The following SLC25A23 variants were observed in gnomAD, a reference collection of about 807,000 sequenced individuals.
SLC25A23 encodes the protein mitochondrial adenyl nucleotide antiporter SLC25A23.
A neutral mutation model predicts 53.9 loss-of-function variants in SLC25A23; 32 were observed. The ratio of observed to expected loss-of-function variants is 0.59; its 90% CI spans 0.45 to 0.80. The LOEUF is 0.80. Among genes scored for constraint, SLC25A23 ranks in the 30% least tolerant of loss-of-function variants. The pLI is 0.00. For synonymous variants in SLC25A23, 275 were observed against 264.5 expected (o/e 1.04, Z -0.38); for missense variants, 575 against 651.4 (o/e 0.88, Z 1.28).
At chr19:6,455,140 C>T (rs952206856) in intron 4 of SLC25A23, among the ~76,000 whole-genome samples, 1 of 152,054 alleles carries the variant, frequency 6.6e-6, no homozygotes, top group Admixed American at 6.6e-5. Flanking sequence ...ATTGGCCGGG[C>T]ATGTGCCTGT....
chr19:6,438,334 T>G (rs1351782007), downstream of SLC25A23: 1 of 151,752 alleles, frequency 6.6e-6, no homozygotes, highest in Non-Finnish European at 1.5e-5. Flanking sequence ...GATGGAAATT[T>G]GGGCAGAGAG....
chr19:6,455,951 C>G, intron 4 of SLC25A23: 1 of 1,151,684 alleles, frequency 8.7e-7, no homozygotes, highest in Non-Finnish European at 1.2e-6. Context: ...GATCGCCTGA[C>G]CTCGTGATCC....
chr19:6,444,042 G>A (rs1916132233), intron 9 of SLC25A23, 109 bp downstream of exon 9: 1 of 1,225,134 alleles, frequency 8.2e-7, no homozygotes, highest in Non-Finnish European at 1.1e-6. Flanking sequence ...CGGAGGCCCA[G>A]AGAAGCCCAT....
Position 6,441,960 on chromosome 19 carries a change from C to G in SLC25A23, c.*15G>C, listed in dbSNP as rs115946849. The G allele has an allele frequency of 1.2e-6, 2 of 1,611,818 alleles. No individual in the cohort carries two copies. Among genetic ancestry groups the G allele is most frequent in the Non-Finnish European group, 1.7e-6 (2 of 1,179,338 alleles). On this transcript the variant is annotated 3_prime_UTR_variant, in exon 10 of 10. Coordinates refer to ENST00000301454, the MANE Select transcript of SLC25A23 (RefSeq NM_024103.3). ...TGTGGGGGGTGAGGGATTGGGGGGACGGGCTCCGGGTCCCTCACCTGGACG... is the reference window on the plus strand; with the variant it reads ...TGTGGGGGGTGAGGGATTGGGGGGAGGGGCTCCGGGTCCCTCACCTGGACG...
chr19:6,436,325 C>T (rs1294582056), downstream of SLC25A23: 1 of 439,328 alleles, frequency 2.3e-6, no homozygotes, highest in Admixed American at 2.4e-5. Flanking sequence ...TTGGACTATC[C>T]AGGGAATTCA....
intron 9 of SLC25A23, among the ~76,000 whole-genome samples, chr19:6,442,607 G>T (rs1459090368): frequency 2.0e-5 from 3 of 152,120 alleles, no homozygotes; most frequent in African/African-American, 7.2e-5. Context: ...GGAGTGCAAT[G>T]GTGCAATCTC....
At chr19:6,437,585 G>A (rs879600217), downstream of SLC25A23, among the ~76,000 whole-genome samples, 17 of 151,832 alleles carry the variant, frequency 1.1e-4, no homozygotes, top group East Asian at 7.8e-4. Flanking sequence ...TGAGGCAGGC[G>A]GATCACGAGG....
intron 8 of SLC25A23, among the ~76,000 whole-genome samples, chr19:6,448,503 C>T (rs953170368): frequency 2.0e-5 from 3 of 150,996 alleles, no homozygotes; most frequent in Admixed American, 1.3e-4. Flanking sequence ...TGAAATCTCG[C>T]TCTCTCACCC....
rs1480818858 is a variant in SLC25A23, at chr19:6,441,359, A to C, written c.*616T>G. The C allele has an allele frequency of 6.5e-6, 1 of 153,276 alleles. No individual in the cohort carries two copies. The highest frequency in any genetic ancestry group is 2.4e-5 in the African/African-American group (1 of 41,354). 9.5% of individuals were successfully genotyped at this position (153,276 alleles called of 1,614,324 possible). On this transcript the variant is annotated 3_prime_UTR_variant, in exon 10 of 10. Transcript: ENST00000301454. ...TCCAGAATCCAGCAGCTGAGCTTGGAGATCCAGGGCTCGAGGCATGGGGAT... is the reference window on the plus strand; with the variant it reads ...TCCAGAATCCAGCAGCTGAGCTTGGCGATCCAGGGCTCGAGGCATGGGGAT...
At chr19:6,445,203 G>C (rs902804671) in intron 8 of SLC25A23, among the ~76,000 whole-genome samples, 1 of 151,456 alleles carries the variant, frequency 6.6e-6, no homozygotes, top group African/African-American at 2.4e-5. Flanking sequence ...TCCGCCTCCT[G>C]GCTTCAAGCG....
chr19:6,452,205 T>C, intron 8 of SLC25A23, 107 bp downstream of exon 8: 1 of 1,467,790 alleles, frequency 6.8e-7, no homozygotes, highest in Non-Finnish European at 9.1e-7. Flanking sequence ...ACTGCCTTTC[T>C]CTAACTATAG....
Position 6,458,305 on chromosome 19 carries a change from T to C in SLC25A23, c.176A>G (p.Asp59Gly), listed in dbSNP as rs1363460254. The change falls in exon 2 of 10, where the codon GAT becomes GGT. Residue 59 changes from aspartate (D) to glycine (G), a missense_variant. Asp to Gly is a moderately conservative substitution (Grantham distance 94, BLOSUM62 -1). Transcript: ENST00000301454. ...GAQQGISSEG[D>G]ADPDGGLDLE... is the part of the protein sequence containing the mutation. ...GTCGAGCCCGCCATCTGGGTCAGCA[T>C]CACCCTCAGAGGAGATACCCTGACA... 1.9e-6 allele frequency: 3 copies of C among 1,612,810 alleles called. No individual in the cohort carries two copies. The African/African-American group carries it at 4.0e-5, about 22-fold the overall frequency.
intron 8 of SLC25A23, among the ~76,000 whole-genome samples, chr19:6,450,284 C>G (rs574737605): frequency 6.6e-6 from 1 of 152,246 alleles, no homozygotes; most frequent in South Asian, 2.1e-4. Context: ...TGCTTCCAGA[C>G]CTGGGTACTA....
intron 8 of SLC25A23, among the ~76,000 whole-genome samples, chr19:6,447,863 G>T (rs1434762781): frequency 6.6e-6 from 1 of 152,102 alleles, no homozygotes; most frequent in African/African-American, 2.4e-5. Context: ...TAAAGACAGG[G>T]TTTAACCATG....
At chr19:6,437,245 C>T (rs1417782181), downstream of SLC25A23, among the ~76,000 whole-genome samples, 4 of 151,998 alleles carry the variant, frequency 2.6e-5, no homozygotes, top group Non-Finnish European at 5.9e-5. Flanking sequence ...TGGCCTCAAG[C>T]GATCCTCCCA....
At chr19:6,455,247 G>T (rs2092661379) in intron 4 of SLC25A23, among the ~76,000 whole-genome samples, 1 of 152,100 alleles carries the variant, frequency 6.6e-6, no homozygotes, top group African/African-American at 2.4e-5. Context: ...ATTTCAGCCT[G>T]GGAAACAGAG....
intron 7 of SLC25A23, among the ~76,000 whole-genome samples, 166 bp downstream of exon 7, chr19:6,453,815 A>C (rs1044117395): frequency 1.2e-4 from 19 of 152,350 alleles, no homozygotes; most frequent in African/African-American, 4.6e-4. Flanking sequence ...CAGTTGTAAT[A>C]CCCAGACAGG....
chr19:6,446,671 A>G (rs1599307776), intron 8 of SLC25A23, among the ~76,000 whole-genome samples: 1 of 152,180 alleles, frequency 6.6e-6, no homozygotes. Context: ...TGCCTCCCAC[A>G]GATCTCTAGA....
At chr19:6,443,266 C>T (rs533975668) in intron 9 of SLC25A23, among the ~76,000 whole-genome samples, 1 of 151,854 alleles carries the variant, frequency 6.6e-6, no homozygotes, top group Non-Finnish European at 1.5e-5. Context: ...GACAGGGTCT[C>T]ACTCTGTCAC....
Sources: allele counts gnomAD v4.1 joint callset (sites outside exome capture counted in the v4.1 genomes callset), GRCh38; gene constraint gnomAD v4.1.1; transcripts MANE v1.5; gene names NCBI Gene and HGNC (gene_info 2026-07-23, HGNC 2026-07-21).